The following IL17D variants were observed in gnomAD, a reference collection of about 807,000 sequenced individuals.
IL17D encodes interleukin-17D.
A neutral mutation model predicts 5.7 loss-of-function variants in IL17D; 10 were observed. The ratio of observed to expected loss-of-function variants is 1.75; its 90% CI spans 1.08 to 2.97. IL17D has a LOEUF of 2.97. Among genes scored for constraint, IL17D ranks in the 30% most tolerant of loss-of-function variants. The pLI, the probability that IL17D is intolerant of heterozygous loss-of-function variation, is 0.00. For synonymous variants in IL17D, 172 were observed against 141.7 expected (o/e 1.21, Z -1.52); for missense variants, 354 against 292.7 (o/e 1.21, Z -1.53).
intron 1 of IL17D, chr13:20,714,002 A>T (rs2058660151): frequency 1.3e-5 from 2 of 152,306 alleles, no homozygotes; most frequent in South Asian, 4.1e-4. Flanking sequence ...GACACTTCAA[A>T]GATGGCTCTG....
upstream of IL17D, chr13:20,703,263 G>A: frequency 3.0e-6 from 3 of 986,052 alleles, no homozygotes; most frequent in Non-Finnish European, 3.6e-6. Context: ...CCGCCGCGTC[G>A]CCCCATCTCG....
chr13:20,705,573 T>G (rs1405697391), intron 1 of IL17D, among the ~76,000 whole-genome samples: 1 of 152,162 alleles, frequency 6.6e-6, no homozygotes, highest in Non-Finnish European at 1.5e-5. Context: ...GGCACGTGCC[T>G]GTGGTCCCAG....
At chr13:20,714,827 A>T (rs575040922) in intron 1 of IL17D, among the ~76,000 whole-genome samples, 2 of 152,308 alleles carry the variant, frequency 1.3e-5, no homozygotes, top group East Asian at 3.9e-4. Flanking sequence ...GGCAGCACAT[A>T]TTGAAGATCT....
At position 20,703,825 on chromosome 13, in the gene IL17D, G is replaced by A. The variant is rs1289430391; in HGVS notation, c.-177G>A. 1 of 161,114 alleles carries A rather than the reference G, an allele frequency of 6.2e-6. No homozygotes were observed. Among genetic ancestry groups the A allele is most frequent in the Non-Finnish European group, 1.2e-5 (1 of 80,072 alleles). 10.0% of individuals were successfully genotyped at this position (161,114 alleles called of 1,614,324 possible). ...ACCCCGCGGGCGGCGGGCAGGCGGG[G>A]AGGGCGCTCTGGGGCCCGCCCGCGC... On this transcript the variant is annotated 5_prime_UTR_variant, in exon 1 of 2. Transcript: ENST00000682841.
Position 20,704,148 on chromosome 13 carries a change from C to T in IL17D, c.147C>T (p.Gly49=), listed in dbSNP as rs1360208897. The T allele has an allele frequency of 1.5e-6, 2 of 1,353,834 alleles. No individual in the cohort carries two copies. The highest frequency in any genetic ancestry group is 1.5e-5 in the African/African-American group (1 of 64,708). 83.9% of individuals were successfully genotyped at this position (1,353,834 alleles called of 1,614,324 possible). A position where few individuals can be genotyped will look rare whatever the true frequency, so the allele number is the denominator to read the frequency against. The change falls in exon 1 of 2, where the codon GGC becomes GGT. Residue 49 remains glycine, a synonymous_variant. Transcript: ENST00000682841. ...LEQLYGRLAA[G]VLSAFHHTLQ... The stretch of plus-strand genomic sequence containing the variant: ...AGCTGTACGGGCGCCTGGCGGCCGG[C>T]GTGCTCAGTGCCTTCCACCACACGC...
upstream of IL17D, chr13:20,702,042 A>G (rs1335662780): frequency 2.6e-5 from 4 of 152,332 alleles, no homozygotes; most frequent in Admixed American, 6.5e-5. Flanking sequence ...AATGAGACAG[A>G]CTGAGTATTT....
chr13:20,718,334 C>A (rs969879013), intron 1 of IL17D, among the ~76,000 whole-genome samples: 1 of 152,144 alleles, frequency 6.6e-6, no homozygotes, highest in Non-Finnish European at 1.5e-5. Context: ...AGCACGCAAC[C>A]TGTCCATGCT....
chr13:20,702,596 T>C (rs1182794311), upstream of IL17D: 1 of 152,268 alleles, frequency 6.6e-6, no homozygotes, highest in Non-Finnish European at 1.5e-5. Context: ...TTATGAAGTA[T>C]ATAATATAGT....
chr13:20,703,596 C>T (rs183548684), upstream of IL17D: 2,010 of 211,154 alleles, frequency 9.5e-3, 45 homozygotes, highest in African/African-American at 0.045. Context: ...GGCTCCCTCG[C>T]TGGCGGCGGA....
At chr13:20,719,426 C>A (rs1213748187) in intron 1 of IL17D, among the ~76,000 whole-genome samples, 1 of 149,348 alleles carries the variant, frequency 6.7e-6, no homozygotes, top group Non-Finnish European at 1.5e-5. Flanking sequence ...CCCACACTCA[C>A]ACCTGACCAC....
At chr13:20,705,338 C>T (rs986954795) in intron 1 of IL17D, among the ~76,000 whole-genome samples, 1 of 150,884 alleles carries the variant, frequency 6.6e-6, no homozygotes, top group Non-Finnish European at 1.5e-5. Context: ...GGGGCGTAGG[C>T]GAGGTGTTTG....
intron 1 of IL17D, among the ~76,000 whole-genome samples, chr13:20,704,660 C>G (rs1242477256): frequency 6.6e-6 from 1 of 152,272 alleles, no homozygotes; most frequent in South Asian, 2.1e-4. Context: ...TCCAGTATTT[C>G]CTATGCAACA....
chr13:20,710,369 T>TAC (rs1340627832), intron 1 of IL17D, among the ~76,000 whole-genome samples: 3 of 146,324 alleles, frequency 2.1e-5, no homozygotes, highest in Admixed American at 1.4e-4. Flanking sequence ...ATCCCAGCGC[T>TAC]TTGGGAGGCC....
intron 1 of IL17D, among the ~76,000 whole-genome samples, chr13:20,718,485 T>A (rs2058697413): frequency 9.9e-6 from 1 of 101,470 alleles, no homozygotes; most frequent in Non-Finnish European, 2.0e-5. Flanking sequence ...CGCTCACACC[T>A]GCCCCCACAC....
chr13:20,703,278 G>A (rs998564931), upstream of IL17D: 7 of 986,176 alleles, frequency 7.1e-6, no homozygotes, highest in Non-Finnish European at 8.4e-6. Context: ...ATCTCGGCGC[G>A]AATCTGAAAG....
At chr13:20,710,451 TAAA>T (rs60458842) in intron 1 of IL17D, among the ~76,000 whole-genome samples, 2 of 83,440 alleles carry the variant, frequency 2.4e-5, no homozygotes, top group African/African-American at 4.7e-5. Flanking sequence ...CCATCTCTAC[TAAA>T]AAAAAAAAAA....
intron 1 of IL17D, among the ~76,000 whole-genome samples, chr13:20,707,493 T>C (rs1486921655): frequency 2.0e-5 from 3 of 146,348 alleles, no homozygotes; most frequent in Non-Finnish European, 4.5e-5. Context: ...CCAATGGAAG[T>C]GTGGAGCCTC....
intron 1 of IL17D, among the ~76,000 whole-genome samples, chr13:20,719,270 CCCA>C (rs1035147521): frequency 1.1e-4 from 16 of 150,928 alleles, no homozygotes; most frequent in South Asian, 2.1e-4. Flanking sequence ...CACACACACC[CCCA>C]CACCTGCCCA....
intron 1 of IL17D, among the ~76,000 whole-genome samples, chr13:20,710,570 G>A (rs1201315727): frequency 3.4e-5 from 5 of 147,520 alleles, no homozygotes; most frequent in Non-Finnish European, 3.0e-5. Context: ...CGGAGGTTGC[G>A]GTGAGCTGAG....
Sources: allele counts gnomAD v4.1 joint callset (sites outside exome capture counted in the v4.1 genomes callset), GRCh38; gene constraint gnomAD v4.1.1; transcripts MANE v1.5; gene names NCBI Gene and HGNC (gene_info 2026-07-23, HGNC 2026-07-21).